Variants in SRRM2 observed in about 807,000 individuals in gnomAD.
SRRM2 encodes serine/arginine repetitive matrix 2.
SRRM2 carries 30 observed loss-of-function variants against 213.8 expected under a neutral mutation model. The observed-to-expected ratio is 0.14, with a 90% CI of 0.10 to 0.19. The LOEUF is 0.19. SRRM2 is among the 10% of genes least tolerant of loss of function. SRRM2 has a pLI of 1.00. For synonymous variants in SRRM2, 2,025 were observed against 1,377.7 expected, an observed-to-expected ratio of 1.47 and a Z score of -10.40; for missense variants, 4,904 against 3,647.0, an observed-to-expected ratio of 1.34 and a Z score of -8.88.
In SRRM2 at chr16:2,767,402, G is replaced by T; in HGVS notation, c.6874G>T (p.Ala2292Ser). 6.2e-7 allele frequency: 1 copy of T among 1,613,966 alleles called. No homozygotes were observed. Among genetic ancestry groups the T allele is most frequent in the Non-Finnish European group, 8.5e-7 (1 of 1,180,026 alleles). ...CCTGGCTGACCCTCGCACTCCCACAGCCCCAGCTGTGAACCTAGCAGGGGC... is the reference window on the plus strand; with the variant it reads ...CCTGGCTGACCCTCGCACTCCCACATCCCCAGCTGTGAACCTAGCAGGGGC... ...VNLADPRTPT[A>S]PAVNLAGART... is the part of the protein sequence containing the mutation. Residue 2292 changes from alanine (A) to serine (S), a missense_variant, in exon 11 of 15, where the codon GCC (alanine) becomes TCC (serine). By Grantham distance (99) the Ala-to-Ser change is moderately conservative. Transcript: ENST00000301740.
intron 4 of SRRM2, 64 bp from the exon 5 acceptor site, chr16:2,758,406 T>C: frequency 7.2e-7 from 1 of 1,386,226 alleles, no homozygotes; most frequent in Non-Finnish European, 1.0e-6. Flanking sequence ...GACTCTGTCT[T>C]TTAAAGAAAA....
Position 2,757,690 on chromosome 16 carries a change from C to T in SRRM2, c.351-91C>T, listed in dbSNP as rs2068195343. 3 of 1,582,894 alleles carry T rather than the reference C, an allele frequency of 1.9e-6. No individual in the cohort carries two copies. In the Admixed American group the frequency reaches 5.4e-5, roughly 28 times the overall value. On this transcript the variant is annotated intron_variant, in intron 3 of 14. Transcript: ENST00000301740. Reference sequence around the variant, plus strand: ...CCTCCCTGCTTTCGTCTGCCTTTCCCATGCCTTATTTGGCTCCTGCTTATA... The same window carrying T: ...CCTCCCTGCTTTCGTCTGCCTTTCCTATGCCTTATTTGGCTCCTGCTTATA...
chr16:2,760,296 T>C lies in SRRM2; in HGVS notation c.834-5T>C, dbSNP rs369897880. The C allele has an allele frequency of 8.1e-6, 13 of 1,612,210 alleles. No individual in the cohort carries two copies. In the African/African-American group the frequency reaches 1.7e-4, roughly 22 times the overall value. ...CTCTCCCACGTCCTCAATTAACTCC[T>C]GCAGGTCTCGAAGTGCTGCAGCTAA... On this transcript the variant is annotated splice_polypyrimidine_tract_variant and splice_region_variant and intron_variant, in intron 9 of 14. Transcript: ENST00000301740.
rs1212729544 is a variant in SRRM2, at chr16:2,761,908, G to A, written c.1380G>A (p.Lys460=). 5 of 1,613,586 alleles carry A rather than the reference G, an allele frequency of 3.1e-6. No individual in the cohort carries two copies. In the African/African-American group the frequency reaches 5.3e-5, roughly 17 times the overall value. The stretch of plus-strand genomic sequence containing the variant: ...AGATTTCTTCTTCTCCCACATCTAA[G>A]AATCGCTCACATGGCCGAGCAAAAC... ...HREISSSPTS[K]NRSHGRAKRD... Residue 460 remains lysine, a synonymous_variant, in exon 11 of 15, where the codon AAG becomes AAA. Coordinates refer to ENST00000301740, the MANE Select transcript of SRRM2 (RefSeq NM_016333.4).
intron 9 of SRRM2, chr16:2,759,882 G>A (rs1375910126): frequency 1.4e-5 from 8 of 565,014 alleles, no homozygotes; most frequent in East Asian, 2.9e-5. Context: ...TTTTTGTTTC[G>A]TTCTGATGTA....
intron 5 of SRRM2, chr16:2,758,772 C>G (rs1199995071): frequency 5.8e-6 from 4 of 686,084 alleles, no homozygotes; most frequent in African/African-American, 5.4e-5. Context: ...ATTTTGGATT[C>G]TGGAATTTTC....
Position 2,765,369 on chromosome 16 carries a change from C to G in SRRM2, c.4841C>G (p.Ala1614Gly). The G allele has an allele frequency of 6.2e-7, 1 of 1,614,206 alleles. No individual in the cohort carries two copies. The highest frequency in any genetic ancestry group is 8.5e-7 in the Non-Finnish European group (1 of 1,180,042). ...VKDKPRAAPR[A>G]QSGSDSSPEP... is the part of the protein sequence containing the mutation. ...GATAAGCCAAGAGCAGCACCCAGGG[C>G]ACAGAGTGGTTCTGATTCCTCTCCT... The change falls in exon 11 of 15, where the codon GCA becomes GGA. Residue 1614 changes from alanine to glycine, a missense_variant. Coordinates refer to ENST00000301740, the MANE Select transcript of SRRM2 (RefSeq NM_016333.4).
chr16:2,758,569 T>A, intron 5 of SRRM2, 22 bp downstream of exon 5: 7 of 1,605,064 alleles, frequency 4.4e-6, no homozygotes, highest in Non-Finnish European at 6.0e-6. Flanking sequence ...GGAAAGTGAC[T>A]CTGATAGCCA....
rs532418678 is a variant in SRRM2 at position 2,762,326 on chromosome 16, A to G, written c.1798A>G (p.Thr600Ala). The G allele has an allele frequency of 1.1e-5, 17 of 1,613,912 alleles. No individual in the cohort carries two copies. The African/African-American group carries it at 1.9e-4, about 18-fold the overall frequency. ...GCGGAGATCACGATCCAGAACTCCC[A>G]CCAGGCGTAGGTCTCGGTCTAGAAC... ...ARRRSRSRTP[T>A]RRRSRSRTPA... The change falls in exon 11 of 15, where the codon ACC (threonine) becomes GCC (alanine). Residue 600 changes from threonine (T) to alanine (A), a missense_variant. Physicochemically the swap from Thr to Ala is moderately conservative, Grantham distance 58 (BLOSUM62 0). Transcript: ENST00000301740.
At chr16:2,768,282 G>A in intron 11 of SRRM2, 21 bp downstream of exon 11, 1 of 1,513,780 alleles carries the variant, frequency 6.6e-7, no homozygotes, top group Non-Finnish European at 8.8e-7. Flanking sequence ...TTGACTTTTA[G>A]AAATCTTCAG....
Position 2,765,005 on chromosome 16 carries a change from C to T in SRRM2, c.4477C>T (p.Pro1493Ser). 2 of 1,614,022 alleles carry T rather than the reference C, an allele frequency of 1.2e-6. No homozygotes were observed. Among genetic ancestry groups the T allele is most frequent in the Non-Finnish European group, 8.5e-7 (1 of 1,180,032 alleles). ...SPEPKALPQT[P>S]RPRSRSPSSP... ...AGAACCGAAAGCTTTGCCTCAGACTCCTAGGCCGAGGAGTCGTTCTCCATC... is the reference window on the plus strand; with the variant it reads ...AGAACCGAAAGCTTTGCCTCAGACTTCTAGGCCGAGGAGTCGTTCTCCATC... The change falls in exon 11 of 15, where the codon CCT becomes TCT. Residue 1493 changes from proline (P) to serine (S), a missense_variant. Coordinates refer to ENST00000301740, the MANE Select transcript of SRRM2 (RefSeq NM_016333.4).
At chr16:2,754,180 T>G (rs957554457) in intron 1 of SRRM2, among the ~76,000 whole-genome samples, 2 of 152,196 alleles carry the variant, frequency 1.3e-5, no homozygotes, top group Non-Finnish European at 2.9e-5. Context: ...AACACACCCC[T>G]TAGATGCCGT....
rs1421012844 is a variant in SRRM2, at chr16:2,770,649, C to T, written c.8181C>T (p.Ser2727=). The change falls in exon 14 of 15, where the codon AGC becomes AGT. Residue 2727 remains serine, a synonymous_variant. Coordinates refer to ENST00000301740, the MANE Select transcript of SRRM2 (RefSeq NM_016333.4). ...RGSRRGQRGD[S]RSPSHKRRRE... is the part of the protein sequence containing the mutation. ...CCCGGAGAGGCCAGCGTGGGGACAGCCGCTCCCCCAGCCACAAGCGCAGGA... is the reference window on the plus strand; with the variant it reads ...CCCGGAGAGGCCAGCGTGGGGACAGTCGCTCCCCCAGCCACAAGCGCAGGA... 1.1e-5 allele frequency: 17 copies of T among 1,552,408 alleles called. 2 individuals are homozygous for T. The highest frequency in any genetic ancestry group is 7.1e-5 in the South Asian group (6 of 84,322).
At position 2,764,520 on chromosome 16, in the gene SRRM2, T is replaced by C. The variant is rs771924603; in HGVS notation, c.3992T>C (p.Leu1331Ser). 3.1e-6 allele frequency: 5 copies of C among 1,614,096 alleles called. No individual in the cohort carries two copies. In the African/African-American group the frequency reaches 5.3e-5, roughly 17 times the overall value. Residue 1331 changes from leucine to serine, a missense_variant, in exon 11 of 15, where the codon TTA (leucine) becomes TCA (serine). By Grantham distance (145) the Leu-to-Ser change is moderately radical (BLOSUM62 -2). Coordinates refer to ENST00000301740, the MANE Select transcript of SRRM2 (RefSeq NM_016333.4). The part of the protein sequence containing the change: ...PLRENSFGSP[L>S]EFRNSGPLGT... ...AGGGAGAACAGCTTTGGATCACCTT[T>C]AGAATTTAGAAACTCAGGCCCACTT... is the stretch of plus-strand genomic sequence containing the variant.
chr16:2,752,926 GC>G (rs1407997054), intron 1 of SRRM2, 80 bp downstream of exon 1: 4 of 162,304 alleles, frequency 2.5e-5, no homozygotes, highest in Admixed American at 6.6e-5. Context: ...GCGGAGAACT[GC>G]CCAGGCCGCC....
intron 1 of SRRM2, 21 bp from the exon 2 acceptor site, chr16:2,756,313 T>G: frequency 6.6e-7 from 1 of 1,523,220 alleles, no homozygotes. Flanking sequence ...GCCTGACCCG[T>G]GTCTCCCCGC....
chr16:2,752,706 G>A lies in SRRM2; in HGVS notation c.-172G>A, dbSNP rs1348425807. On this transcript the variant is annotated 5_prime_UTR_variant, in exon 1 of 15. Coordinates refer to ENST00000301740, the MANE Select transcript of SRRM2 (RefSeq NM_016333.4). ...GTTGGAGCCCGTTGCGGCCCCTGAGGAAGCGAGGAGGCGTCGGCGTCGGCT... is the reference window on the plus strand; with the variant it reads ...GTTGGAGCCCGTTGCGGCCCCTGAGAAAGCGAGGAGGCGTCGGCGTCGGCT... The A allele has an allele frequency of 8.7e-6, 3 of 346,694 alleles. No homozygotes were observed. The highest frequency in any genetic ancestry group is 3.8e-5 in the Admixed American group (1 of 26,246). The allele number at this position is 346,694 out of a possible 1,614,324, so 21.5% of individuals were successfully genotyped here.
rs1284196494 is a variant in SRRM2 at position 2,757,764 on chromosome 16, G to T, written c.351-17G>T. ...TCCTTTATATTTCCTTCAGACTTTT[G>T]CCCTTCTTTTCTCTAGGGTCACGGA... On this transcript the variant is annotated splice_polypyrimidine_tract_variant and intron_variant, in intron 3 of 14. Coordinates refer to ENST00000301740, the MANE Select transcript of SRRM2 (RefSeq NM_016333.4). The T allele has an allele frequency of 6.2e-6, 10 of 1,611,354 alleles. No homozygotes were observed. The highest frequency in any genetic ancestry group is 1.1e-5 in the South Asian group (1 of 91,008).
rs772075725 is a variant in SRRM2 at position 2,764,174 on chromosome 16, G to A, written c.3646G>A (p.Ala1216Thr). Residue 1216 changes from alanine (A) to threonine (T), a missense_variant, in exon 11 of 15, where the codon GCT becomes ACT. Ala to Thr is a moderately conservative substitution (Grantham distance 58). Transcript: ENST00000301740. Reference protein sequence around the residue: ...LRTPPRERSGAGSSPETKEQN... With the variant: ...LRTPPRERSGTGSSPETKEQN... ...AACCCCGCCAAGGGAAAGAAGTGGT[G>A]CTGGGTCATCTCCAGAAACAAAAGA... is the stretch of plus-strand genomic sequence containing the variant. 2 of 1,614,224 alleles carry A rather than the reference G, an allele frequency of 1.2e-6. No individual in the cohort carries two copies. Among genetic ancestry groups the A allele is most frequent in the African/African-American group, 1.3e-5 (1 of 75,062 alleles).
Sources: allele counts gnomAD v4.1 joint callset (sites outside exome capture counted in the v4.1 genomes callset), GRCh38; gene constraint gnomAD v4.1.1; transcripts MANE v1.5; gene names NCBI Gene and HGNC (gene_info 2026-07-23, HGNC 2026-07-21).